The following GNG7 variants were observed in gnomAD, a reference collection of about 807,000 sequenced individuals.
The protein encoded by GNG7 is G protein subunit gamma 7.
In GNG7, 1 loss-of-function variant was observed where a neutral mutation model predicts 4.0. That is an observed-to-expected ratio of 0.25 (90% confidence interval 0.09 to 1.18). GNG7 has a LOEUF of 1.18. Ranked by LOEUF, GNG7 falls within the 50% of genes most tolerant of loss-of-function variation. The probability of loss-of-function intolerance (pLI) is 0.50; values close to 1 mark genes in which losing one functional copy is unlikely to be tolerated. For synonymous variants in GNG7, 34 were observed against 36.9 expected (o/e 0.92, Z 0.29); for missense variants, 86 against 91.9 (o/e 0.94, Z 0.26).
At chr19:2,696,920 A>C (rs569122099) in intron 1 of GNG7, among the ~76,000 whole-genome samples, 2 of 152,294 alleles carry the variant, frequency 1.3e-5, no homozygotes, top group South Asian at 4.1e-4. Flanking sequence ...GCTGGAGTGC[A>C]GTGCTCACCG....
At chr19:2,540,783 T>C (rs1452555661) in intron 3 of GNG7, among the ~76,000 whole-genome samples, 1 of 152,326 alleles carries the variant, frequency 6.6e-6, no homozygotes, top group South Asian at 2.1e-4. Flanking sequence ...TTTAGGTCTG[T>C]GATGCCACGG....
At chr19:2,636,723 G>A (rs1009588112) in intron 2 of GNG7, among the ~76,000 whole-genome samples, 5 of 152,154 alleles carry the variant, frequency 3.3e-5, no homozygotes, top group Admixed American at 6.5e-5. Context: ...CCTAGGGCAG[G>A]GGCCAACCAT....
intron 1 of GNG7, among the ~76,000 whole-genome samples, chr19:2,678,450 C>A (rs1477026973): frequency 6.6e-6 from 1 of 152,166 alleles, no homozygotes; most frequent in Non-Finnish European, 1.5e-5. Flanking sequence ...GGAAAAGCCA[C>A]GGAATGCAAA....
chr19:2,567,396 C>G (rs1353702009), intron 2 of GNG7, among the ~76,000 whole-genome samples: 1 of 142,776 alleles, frequency 7.0e-6, no homozygotes, highest in Admixed American at 7.3e-5. Flanking sequence ...GCCCGTGGTG[C>G]AATCACGCTG....
chr19:2,644,834 G>A (rs142550381), intron 2 of GNG7, among the ~76,000 whole-genome samples: 12 of 152,238 alleles, frequency 7.9e-5, no homozygotes, highest in African/African-American at 2.9e-4. Context: ...AACACTCCAT[G>A]GTGTGGATGG....
chr19:2,679,467 T>G (rs1983676519), intron 1 of GNG7, among the ~76,000 whole-genome samples: 1 of 152,110 alleles, frequency 6.6e-6, no homozygotes, highest in African/African-American at 2.4e-5. Flanking sequence ...TCCCAATCTT[T>G]TCAATGACCC....
At chr19:2,591,584 C>G (rs992524682) in intron 2 of GNG7, among the ~76,000 whole-genome samples, 3 of 151,170 alleles carry the variant, frequency 2.0e-5, no homozygotes, top group African/African-American at 7.3e-5. Context: ...AAGTCTATCC[C>G]AAGGCTCCAG....
At chr19:2,549,624 G>A (rs181360916) in intron 3 of GNG7, among the ~76,000 whole-genome samples, 30 of 152,168 alleles carry the variant, frequency 2.0e-4, no homozygotes, top group Non-Finnish European at 3.4e-4. Context: ...GCACGGGGCC[G>A]GGGCATTGTA....
chr19:2,671,869 G>C (rs1363133179), intron 1 of GNG7, among the ~76,000 whole-genome samples: 1 of 151,324 alleles, frequency 6.6e-6, no homozygotes, highest in Non-Finnish European at 1.5e-5. Flanking sequence ...GGCTAACACA[G>C]TGAAACCTCG....
chr19:2,677,504 G>T (rs548029251), intron 1 of GNG7, among the ~76,000 whole-genome samples: 1 of 151,712 alleles, frequency 6.6e-6, no homozygotes, highest in Non-Finnish European at 1.5e-5. Flanking sequence ...TAATTATTTG[G>T]AAAAATATTG....
chr19:2,571,046 C>T (rs919645806), intron 2 of GNG7, among the ~76,000 whole-genome samples: 1 of 152,028 alleles, frequency 6.6e-6, no homozygotes, highest in Non-Finnish European at 1.5e-5. Flanking sequence ...AAGTGATCCA[C>T]CCACCTTGGC....
At chr19:2,595,065 A>T (rs1216747568) in intron 2 of GNG7, 1 of 151,750 alleles carries the variant, frequency 6.6e-6, no homozygotes, top group Non-Finnish European at 1.5e-5. Context: ...GGTTGCAGTG[A>T]ACCATGATGG....
intron 2 of GNG7, among the ~76,000 whole-genome samples, chr19:2,620,346 C>A (rs1050347540): frequency 4.0e-5 from 6 of 151,758 alleles, no homozygotes; most frequent in African/African-American, 1.5e-4. Flanking sequence ...CCTCTCTCTG[C>A]AGGCAGGTCA....
chr19:2,530,135 G>A (rs965620670), intron 3 of GNG7, among the ~76,000 whole-genome samples: 4 of 152,268 alleles, frequency 2.6e-5, no homozygotes, highest in African/African-American at 4.8e-5. Context: ...GGACAGGGCC[G>A]GGTGCGGCGG....
intron 2 of GNG7, among the ~76,000 whole-genome samples, chr19:2,596,665 T>C (rs1226662785): frequency 6.2e-5 from 9 of 144,040 alleles, no homozygotes; most frequent in Admixed American, 1.4e-4. Context: ...TGAGACCCTG[T>C]CCCCCCCCCA....
At position 2,657,373 on chromosome 19, in the gene GNG7, T is replaced by A. The variant is rs1340823355; in HGVS notation, c.-134-11093A>T. ...AAAAAAAAAAAAAAATATATATATATATATATATATATATATATATATATA... is the reference window on the plus strand; with the variant it reads ...AAAAAAAAAAAAAAATATATATATAAATATATATATATATATATATATATA... On this transcript the variant is annotated intron_variant, in intron 1 of 4. Transcript: ENST00000382159. Among the ~76,000 whole-genome samples the A allele has an allele frequency of 9.0e-3, 278 of 30,926 alleles. 37 individuals are homozygous for A. The highest frequency in any genetic ancestry group is 0.016 in the East Asian group (5 of 318). The allele number at this position is 30,926 out of a possible 152,430, so 20.3% of individuals were successfully genotyped here.
intron 1 of GNG7, among the ~76,000 whole-genome samples, chr19:2,661,302 G>GAAAAAGAAAGAA: frequency 9.6e-5 from 7 of 73,122 alleles, no homozygotes; most frequent in African/African-American, 2.7e-4. Flanking sequence ...AAGAAAGAAA[G>GAAAAAGAAAGAA]AGAAAGAAAG....
rs1982018357 is a variant in GNG7 at position 2,626,237 on chromosome 19, C to T, written c.-78+19987G>A. On this transcript the variant is annotated intron_variant, in intron 2 of 4. Transcript: ENST00000382159. The surrounding 1 kb of genome is among the most constrained non-coding windows in gnomAD (Gnocchi z 5.0). ...CGTGAAGCTGATGCTGCTCCCGCCC[C>T]AGGCCTGAAGCCGGCCCCCTGCCCC... 6.6e-6 allele frequency among the ~76,000 whole-genome samples: 1 copy of T among 152,210 alleles called. No homozygotes were observed. Among genetic ancestry groups the T allele is most frequent in the Non-Finnish European group, 1.5e-5 (1 of 68,024 alleles).
intron 2 of GNG7, among the ~76,000 whole-genome samples, chr19:2,625,582 C>G (rs1446332719): frequency 1.3e-5 from 2 of 152,140 alleles, no homozygotes; most frequent in African/African-American, 4.8e-5. Context: ...CTGCCACCAA[C>G]TTGTAGAAGG....
Sources: allele counts gnomAD v4.1 joint callset (sites outside exome capture counted in the v4.1 genomes callset), GRCh38; gene constraint gnomAD v4.1.1; non-coding constraint Gnocchi (gnomAD v3.1); transcripts MANE v1.5; gene names NCBI Gene and HGNC (gene_info 2026-07-23, HGNC 2026-07-21).